The following METTL14 variants were observed in gnomAD, a reference collection of about 807,000 sequenced individuals.
METTL14 encodes the protein methyltransferase 14, N6-adenosine-methyltransferase non-catalytic subunit, also known as N(6)-adenosine-methyltransferase non-catalytic subunit METTL14.
A neutral mutation model predicts 62.4 loss-of-function variants in METTL14; 32 were observed. The ratio of observed to expected loss-of-function variants is 0.51; its 90% CI spans 0.39 to 0.69. The LOEUF (loss-of-function observed/expected upper bound fraction) is 0.69, where lower values mean the gene tolerates loss of function less well. Among genes scored for constraint, METTL14 ranks in the 30% least tolerant of loss-of-function variants. The pLI, the probability that METTL14 is intolerant of heterozygous loss-of-function variation, is 0.00. For missense variants in METTL14, 340 were observed against 551.9 expected (o/e 0.62, Z 3.85); for synonymous variants, 150 against 180.0 (o/e 0.83, Z 1.34).
intron 6 of METTL14, among the ~76,000 whole-genome samples, chr4:118,694,830 T>C (rs1724359569): frequency 6.6e-6 from 1 of 152,084 alleles, no homozygotes; most frequent in South Asian, 2.1e-4. Context: ...AGTCTTGCTC[T>C]GTTGTCCAGG....
At chr4:118,706,864 T>C (rs1198861470) in intron 10 of METTL14, among the ~76,000 whole-genome samples, 7 of 152,228 alleles carry the variant, frequency 4.6e-5, no homozygotes, top group Non-Finnish European at 4.4e-5. Flanking sequence ...GCTTATTTAC[T>C]ATCTGTATGC....
In METTL14 at chr4:118,700,714, TG is replaced by T. The variant is rs1579072962; in HGVS notation, c.738+73del. ...AAATGTAACAGTATGTTGCATAGGATGTTTGAAAGTGGATGTTATTTTGTCC... is the reference window on the plus strand; with the variant it reads ...AAATGTAACAGTATGTTGCATAGGATTTTGAAAGTGGATGTTATTTTGTCC... On this transcript the variant is annotated intron_variant, in intron 8 of 10. Coordinates refer to ENST00000388822, the MANE Select transcript of METTL14 (RefSeq NM_020961.4). The T allele has an allele frequency of 5.2e-6, 5 of 965,422 alleles. No homozygotes were observed. In the East Asian group the frequency reaches 1.3e-4, roughly 24 times the overall value. 59.8% of individuals were successfully genotyped at this position (965,422 alleles called of 1,614,324 possible).
At chr4:118,690,677 C>CAA (rs1046821905) in intron 3 of METTL14, among the ~76,000 whole-genome samples, 5 of 74,924 alleles carry the variant, frequency 6.7e-5, no homozygotes, top group South Asian at 4.5e-4. Context: ...GACTCTGTCT[C>CAA]AAAAAAAAAA....
chr4:118,688,149 C>CTTGG (rs1257451584), intron 2 of METTL14, 138 bp downstream of exon 2: 1 of 665,524 alleles, frequency 1.5e-6, no homozygotes, highest in African/African-American at 1.8e-5. Flanking sequence ...GTACACCTGC[C>CTTGG]TTGGCCTCCC....
intron 5 of METTL14, 116 bp downstream of exon 5, chr4:118,692,184 C>G (rs894357784): frequency 1.6e-6 from 1 of 640,220 alleles, no homozygotes. Flanking sequence ...ATCTTTTTTT[C>G]GTTCTCAGTG....
intron 5 of METTL14, among the ~76,000 whole-genome samples, chr4:118,692,755 A>G (rs1335997559): frequency 2.0e-5 from 3 of 152,018 alleles, no homozygotes; most frequent in African/African-American, 7.2e-5. Flanking sequence ...TATTTTCACA[A>G]TCTATACTAG....
Position 118,691,442 on chromosome 4 carries a change from AG to A in METTL14, c.244-88del, listed in dbSNP as rs1226549113. 9.0e-6 allele frequency: 6 copies of A among 665,900 alleles called. No individual in the cohort carries two copies. In the East Asian group the frequency reaches 1.7e-4, roughly 19 times the overall value. 41.2% of individuals were successfully genotyped at this position (665,900 alleles called of 1,614,324 possible). Reference sequence around the variant, plus strand: ...AATTTAAAACATTTATTAAATCTTAAGGAAATAAAATATGTTGAGTTTTAAT... The same window carrying A: ...AATTTAAAACATTTATTAAATCTTAAGAAATAAAATATGTTGAGTTTTAAT... On this transcript the variant is annotated intron_variant, in intron 3 of 10. Coordinates refer to ENST00000388822, the MANE Select transcript of METTL14 (RefSeq NM_020961.4).
chr4:118,709,725 A>AT (rs934938302), intron 10 of METTL14, among the ~76,000 whole-genome samples: 1 of 152,060 alleles, frequency 6.6e-6, no homozygotes, highest in Non-Finnish European at 1.5e-5. Context: ...AATGTATGGG[A>AT]TTTTTTTTCT....
chr4:118,686,733 G>A (rs1378644228), intron 1 of METTL14: 3 of 440,000 alleles, frequency 6.8e-6, no homozygotes, highest in African/African-American at 2.0e-5. Context: ...CACAGAAGAC[G>A]TTTTACTCCT....
chr4:118,697,866 C>T (rs1053535140), intron 7 of METTL14, among the ~76,000 whole-genome samples: 2 of 151,856 alleles, frequency 1.3e-5, no homozygotes, highest in African/African-American at 4.8e-5. Context: ...GGAGGTGACA[C>T]CTGAACAATA....
At chr4:118,689,131 T>A (rs985543067) in intron 2 of METTL14, among the ~76,000 whole-genome samples, 2 of 152,242 alleles carry the variant, frequency 1.3e-5, no homozygotes, top group Non-Finnish European at 2.9e-5. Flanking sequence ...AAATTTATTT[T>A]CAATATATCC....
rs201937694 is a variant in METTL14, at chr4:118,685,610, C to G, written c.66+10C>G. On this transcript the variant is annotated intron_variant, in intron 1 of 10. Transcript: ENST00000388822. ...GCTCCTCGCGCAGCAGGTCCGCGGC[C>G]CTGGTGTCCCCTGTGGGAGGGATCG... 7.2e-4 allele frequency: 1,164 copies of G among 1,613,546 alleles called. 11 individuals are homozygous for G. The highest frequency in any genetic ancestry group is 1.4e-4 in the Non-Finnish European group (161 of 1,179,722).
chr4:118,715,411 TAAA>T lies in METTL14; in HGVS notation c.*5112_*5114del, dbSNP rs1185334099. On this transcript the variant is annotated 3_prime_UTR_variant, in exon 11 of 11. Coordinates refer to ENST00000388822, the MANE Select transcript of METTL14 (RefSeq NM_020961.4). ...TGTATTGTGGTGGGTACCTTAATAA[TAAA>T]AAGATTTTTAATGTAATAATATTGC... The T allele has an allele frequency of 2.0e-5, 3 of 152,208 alleles. No homozygotes were observed. The highest frequency in any genetic ancestry group is 4.4e-5 in the Non-Finnish European group (3 of 68,038). The allele number at this position is 152,208 out of a possible 1,614,324, so 9.4% of individuals were successfully genotyped here.
chr4:118,704,701 C>T (rs949260220), intron 9 of METTL14, among the ~76,000 whole-genome samples: 7 of 152,002 alleles, frequency 4.6e-5, no homozygotes, highest in African/African-American at 1.5e-4. Flanking sequence ...TGCCCCATGC[C>T]GCATACTTTT....
intron 2 of METTL14, among the ~76,000 whole-genome samples, chr4:118,689,162 C>T (rs533875888): frequency 6.6e-6 from 1 of 152,170 alleles, no homozygotes; most frequent in East Asian, 1.9e-4. Context: ...CTTATTTTCT[C>T]ATTTGGTTGC....
chr4:118,702,418 A>T (rs1724622722), intron 8 of METTL14, among the ~76,000 whole-genome samples: 1 of 152,158 alleles, frequency 6.6e-6, no homozygotes, highest in Non-Finnish European at 1.5e-5. Context: ...GATGTTAATG[A>T]CACCTGGTGC....
Position 118,687,955 on chromosome 4 carries a change from C to T in METTL14, c.99C>T (p.Ala33=), listed in dbSNP as rs145996004. The T allele has an allele frequency of 5.4e-5, 87 of 1,613,246 alleles. No homozygotes were observed. The East Asian group carries it at 1.6e-3, about 31-fold the overall frequency. Residue 33 remains alanine (A), a synonymous_variant, in exon 2 of 11, where the codon GCC becomes GCT. Coordinates refer to ENST00000388822, the MANE Select transcript of METTL14 (RefSeq NM_020961.4). ...CTGAAAGTGCCGACAGCATTGGTGCCGTGTTAAATAGCAAAGATGAGCAGA... is the reference window on the plus strand; with the variant it reads ...CTGAAAGTGCCGACAGCATTGGTGCTGTGTTAAATAGCAAAGATGAGCAGA... ...LGAESADSIG[A]VLNSKDEQRE...
chr4:118,702,938 T>TTATTA (rs1724642083), intron 8 of METTL14, among the ~76,000 whole-genome samples: 9 of 135,148 alleles, frequency 6.7e-5, no homozygotes, highest in Admixed American at 1.5e-4. Context: ...GTTGGAAGGT[T>TTATTA]TTATTATTAT....
chr4:118,701,212 C>A (rs1445927315), intron 8 of METTL14, among the ~76,000 whole-genome samples: 2 of 133,216 alleles, frequency 1.5e-5, no homozygotes, highest in Non-Finnish European at 3.1e-5. Context: ...AGACAAGGTA[C>A]CAACTCTGTT....
Sources: gnomAD v4.1 joint callset for allele counts (sites outside exome capture counted in the v4.1 genomes callset) on GRCh38, gnomAD v4.1.1 for gene constraint, MANE v1.5 for transcripts, NCBI Gene and HGNC (gene_info 2026-07-23, HGNC 2026-07-21) for gene names.